The following RP1 variants were observed in gnomAD, a reference collection of about 807,000 sequenced individuals.
RP1 encodes oxygen-regulated protein 1.
A neutral mutation model predicts 14.8 loss-of-function variants in RP1; 16 were observed. The observed-to-expected ratio is 1.08, with a 90% confidence interval of 0.73 to 1.65. RP1 has a LOEUF of 1.65. Among genes scored for constraint, RP1 ranks in the 40% most tolerant of loss-of-function variants. The pLI is 0.00. For synonymous variants in RP1, 876 were observed against 883.6 expected, an observed-to-expected ratio of 0.99 and a Z score of 0.15; for missense variants, 2,631 against 2,535.0, an observed-to-expected ratio of 1.04 and a Z score of -0.81.
At chr8:54,583,225 G>T (rs1374700541) in intron 1 of RP1, among the ~76,000 whole-genome samples, 1 of 152,128 alleles carries the variant, frequency 6.6e-6, no homozygotes. Context: ...GTTGAATTTT[G>T]TTGAAGGCCT....
downstream of RP1, among the ~76,000 whole-genome samples, chr8:54,634,025 T>C (rs1806302770): frequency 6.6e-6 from 1 of 152,034 alleles, no homozygotes; most frequent in African/African-American, 2.4e-5. Flanking sequence ...TGTGGTTTGA[T>C]ACTCTATGTA....
upstream of RP1, among the ~76,000 whole-genome samples, chr8:54,611,828 A>G (rs1308836714): frequency 1.3e-5 from 2 of 151,428 alleles, no homozygotes; most frequent in African/African-American, 2.4e-5. Flanking sequence ...TGGAAATTTA[A>G]TCCTCTCCCC....
intron 1 of RP1, among the ~76,000 whole-genome samples, chr8:54,567,136 G>A (rs1020128498): frequency 6.6e-6 from 1 of 152,186 alleles, no homozygotes; most frequent in South Asian, 2.1e-4. Context: ...AGGGCAATTT[G>A]ACTTTTGCTT....
rs1220014908 is a variant in RP1 at position 54,857,290 on chromosome 8, T to TATTATA, written c.4069+191_4069+196dup. On this transcript the variant is annotated intron_variant, in intron 27 of 28. Transcript: ENST00000637698. ...ATTTATATATAATTTACATTGAATATATTATAATTATATTTATATACTATA... is the reference window on the plus strand; with the variant it reads ...ATTTATATATAATTTACATTGAATATATTATAATTATAATTATATTTATATACTATA... Among the ~76,000 whole-genome samples the TATTATA allele has an allele frequency of 2.0e-5, 3 of 147,724 alleles. No individual in the cohort carries two copies. In the East Asian group the frequency reaches 5.8e-4, roughly 29 times the overall value.
At chr8:54,741,707 GTATATATATATATATATATATATATATA>G (rs372225314) in intron 19 of RP1, among the ~76,000 whole-genome samples, 20 of 58,036 alleles carry the variant, frequency 3.4e-4, no homozygotes, top group South Asian at 7.7e-4. Flanking sequence ...AAATGTGTGT[GTATATATATATATATATATATATATATA>G]TATATATATA....
intron 24 of RP1, among the ~76,000 whole-genome samples, chr8:54,835,421 A>T (rs28687216): frequency 0.31 from 46,528 of 152,008 alleles, 7,332 homozygotes; most frequent in South Asian, 0.37. Context: ...TATTTACAAG[A>T]ATATTTGTGA....
chr8:54,865,693 C>T (rs999379014), intron 27 of RP1: 17 of 390,264 alleles, frequency 4.4e-5, no homozygotes, highest in Admixed American at 1.8e-4. Flanking sequence ...CATTTCTCTA[C>T]GGGCATAATT....
intron 1 of RP1, among the ~76,000 whole-genome samples, chr8:54,568,597 C>A (rs1804456757): frequency 6.6e-6 from 1 of 152,186 alleles, no homozygotes; most frequent in Admixed American, 6.5e-5. Flanking sequence ...CAGCTGACAC[C>A]AACTTACTCT....
intron 24 of RP1, among the ~76,000 whole-genome samples, chr8:54,798,255 G>C (rs1810621782): frequency 6.6e-6 from 1 of 152,076 alleles, no homozygotes. Flanking sequence ...CAGGCGATCT[G>C]CCTGCTTCGG....
chr8:54,669,592 T>C (rs903125795), intron 7 of RP1, among the ~76,000 whole-genome samples: 4 of 152,086 alleles, frequency 2.6e-5, no homozygotes, highest in Non-Finnish European at 5.9e-5. Context: ...GTTTATTGTG[T>C]CACTATTCAC....
At chr8:54,770,222 T>A, downstream of RP1, 1 of 399,782 alleles carries the variant, frequency 2.5e-6, no homozygotes, top group Non-Finnish European at 4.4e-6. Context: ...TCCATTTCTG[T>A]TTCAAGATTA....
In RP1 at chr8:54,714,664, T is replaced by A. The variant is rs372458741; in HGVS notation, c.2212-5465T>A. 2.6e-5 allele frequency among the ~76,000 whole-genome samples: 4 copies of A among 152,058 alleles called. No homozygotes were observed. In the East Asian group the frequency reaches 5.8e-4, roughly 22 times the overall value. On this transcript the variant is annotated intron_variant, in intron 15 of 22. Transcript: ENST00000636932. ...CTGGCCTCCAAAAATTTGGGGGAGGTTAATCTGAGTAATAATAAAACTCCA... is the reference window on the plus strand; with the variant it reads ...CTGGCCTCCAAAAATTTGGGGGAGGATAATCTGAGTAATAATAAAACTCCA...
intron 23 of RP1, among the ~76,000 whole-genome samples, chr8:54,783,302 G>A (rs1302005602): frequency 1.3e-5 from 2 of 151,974 alleles, no homozygotes; most frequent in East Asian, 1.9e-4. Flanking sequence ...CCATTGTTTT[G>A]CCCAAAATAT....
At chr8:54,730,800 T>C (rs925628176) in intron 17 of RP1, among the ~76,000 whole-genome samples, 3 of 152,126 alleles carry the variant, frequency 2.0e-5, no homozygotes, top group Admixed American at 6.6e-5. Context: ...TATCCCTTAA[T>C]TGAGAAACTG....
At chr8:54,697,147 T>C in intron 12 of RP1, 5 of 976,776 alleles carry the variant, frequency 5.1e-6, no homozygotes, top group Middle Eastern at 3.1e-4. Flanking sequence ...CGAACAGCAC[T>C]ACATTTTTAT....
chr8:54,780,694 C>T (rs1466240049), intron 23 of RP1, among the ~76,000 whole-genome samples: 3 of 152,224 alleles, frequency 2.0e-5, no homozygotes, highest in African/African-American at 7.2e-5. Flanking sequence ...GTAATCTAGA[C>T]ATGATTTAAA....
At chr8:54,714,544 C>G (rs1808359328) in intron 15 of RP1, among the ~76,000 whole-genome samples, 1 of 152,186 alleles carries the variant, frequency 6.6e-6, no homozygotes, top group African/African-American at 2.4e-5. Context: ...AGCAAGAAGA[C>G]AGCTTCAGCT....
intron 6 of RP1, among the ~76,000 whole-genome samples, chr8:54,661,289 A>ATATATATGATATATC (rs1554522263): frequency 3.9e-4 from 52 of 132,664 alleles, no homozygotes; most frequent in Non-Finnish European, 3.8e-4. Flanking sequence ...TATGATATAT[A>ATATATATGATATATC]AATGATATAT....
chr8:54,790,854 G>A (rs1231063395), intron 24 of RP1, among the ~76,000 whole-genome samples: 1 of 152,056 alleles, frequency 6.6e-6, no homozygotes, highest in African/African-American at 2.4e-5. Context: ...ATGAGTTAAT[G>A]GGATACCATC....
Sources: allele counts gnomAD v4.1 joint callset (sites outside exome capture counted in the v4.1 genomes callset), GRCh38; gene constraint gnomAD v4.1.1; transcripts MANE v1.5; gene names NCBI Gene and HGNC (gene_info 2026-07-23, HGNC 2026-07-21).